The following DRC11L variants were observed in gnomAD, a reference collection of about 807,000 sequenced individuals.
The protein encoded by DRC11L is dynein regulatory complex subunit 11 like, also known as dynein regulatory complex subunit like-11.
the DRC11L span, among the ~76,000 whole-genome samples, chr7:151,201,938 T>C: frequency 6.6e-6 from 1 of 152,150 alleles, no homozygotes. This position sits in a 1 kb window ranked among gnomAD's most constrained non-coding sequence, Gnocchi z 4.1. Flanking sequence ...GTTAGCAGCA[T>C]TTTAAGGAAT....
the DRC11L span, chr7:151,195,584 C>T: frequency 4.3e-5 from 16 of 372,350 alleles, no homozygotes; most frequent in Non-Finnish European, 6.2e-5. Flanking sequence ...CCTTTGGAGC[C>T]CTCAGGGGTC....
At chr7:151,197,705 C>A in the DRC11L span, 1 of 393,448 alleles carries the variant, frequency 2.5e-6, no homozygotes. Context: ...CTGCATTTCC[C>A]CCAGCCACCT....
At chr7:151,192,031 G>A in the DRC11L span, among the ~76,000 whole-genome samples, 1 of 152,312 alleles carries the variant, frequency 6.6e-6, no homozygotes, top group Non-Finnish European at 1.5e-5. Context: ...GGAAGGTACT[G>A]GATCTCAAGC....
the DRC11L span, chr7:151,194,260 C>A: frequency 5.0e-6 from 2 of 399,204 alleles, no homozygotes; most frequent in Non-Finnish European, 8.8e-6. Flanking sequence ...TCTCACCAAG[C>A]CGAAGGACCG....
At chr7:151,191,461 G>A in the DRC11L span, among the ~76,000 whole-genome samples, 13 of 152,190 alleles carry the variant, frequency 8.5e-5, no homozygotes, top group African/African-American at 2.4e-4. Context: ...GGACGGCCCC[G>A]AAGCCTTGGC....
At chr7:151,199,092 G>A in the DRC11L span, 19 of 398,204 alleles carry the variant, frequency 4.8e-5, no homozygotes, top group Admixed American at 2.6e-4. This position sits in a 1 kb window ranked among gnomAD's most constrained non-coding sequence, Gnocchi z 5.2. Context: ...GGGCACACAC[G>A]CCTGTACCCA....
At chr7:151,191,875 C>A in the DRC11L span, 1 of 399,192 alleles carries the variant, frequency 2.5e-6, no homozygotes, top group Non-Finnish European at 4.4e-6. Flanking sequence ...GCTTCCAGAG[C>A]ACTGCAGGCA....
At chr7:151,192,744 T>A in the DRC11L span, 2 of 399,152 alleles carry the variant, frequency 5.0e-6, no homozygotes, top group East Asian at 7.1e-5. Flanking sequence ...CTCCCTCACC[T>A]CCTTGTCTTC....
At chr7:151,203,167 G>C in the DRC11L span, 2 of 398,670 alleles carry the variant, frequency 5.0e-6, no homozygotes, top group Non-Finnish European at 8.8e-6. Context: ...GCCGCTGGGA[G>C]ACCAGCCATC....
chr7:151,193,936 T>C, the DRC11L span, among the ~76,000 whole-genome samples: 1 of 148,538 alleles, frequency 6.7e-6, no homozygotes, highest in Non-Finnish European at 1.5e-5. Flanking sequence ...AGGCATGGGA[T>C]AAATCACTTC....
At chr7:151,194,099 G>C in the DRC11L span, among the ~76,000 whole-genome samples, 18 of 152,012 alleles carry the variant, frequency 1.2e-4, no homozygotes, top group Admixed American at 6.6e-5. Context: ...GCCCAATCTG[G>C]GTGTGACCTC....
chr7:151,194,100 G>A, the DRC11L span, among the ~76,000 whole-genome samples: 2 of 151,952 alleles, frequency 1.3e-5, no homozygotes, highest in Admixed American at 6.6e-5. Flanking sequence ...CCCAATCTGG[G>A]TGTGACCTCC....
the DRC11L span, among the ~76,000 whole-genome samples, chr7:151,198,300 A>T: frequency 6.6e-6 from 1 of 150,934 alleles, no homozygotes; most frequent in Admixed American, 6.6e-5. Flanking sequence ...ATAGATGGAG[A>T]GGTAGGTAGA....
At chr7:151,196,864 C>G in the DRC11L span, 1 of 398,804 alleles carries the variant, frequency 2.5e-6, no homozygotes, top group Non-Finnish European at 4.4e-6. Context: ...CCTTTGCCTA[C>G]ACACCCACAC....
At chr7:151,193,901 T>C in the DRC11L span, among the ~76,000 whole-genome samples, 1 of 143,464 alleles carries the variant, frequency 7.0e-6, no homozygotes. Context: ...ACTGAGACTC[T>C]ATCTCAAAAA....
the DRC11L span, chr7:151,190,888 T>A: frequency 2.5e-6 from 1 of 398,420 alleles, no homozygotes; most frequent in Non-Finnish European, 4.4e-6. Flanking sequence ...TCCCAAGTCA[T>A]CTGGGCATTT....
the DRC11L span, chr7:151,202,834 G>A: frequency 6.0e-5 from 24 of 398,888 alleles, no homozygotes; most frequent in Non-Finnish European, 1.0e-4. Flanking sequence ...GCACTCCTGT[G>A]ATCAATTACT....
chr7:151,201,426 ATCC>A, the DRC11L span, among the ~76,000 whole-genome samples: 2 of 152,214 alleles, frequency 1.3e-5, no homozygotes, highest in South Asian at 4.1e-4. The surrounding 1 kb of genome is among the most constrained non-coding windows in gnomAD (Gnocchi z 4.1). Flanking sequence ...TTTGGGGTCC[ATCC>A]TCCTTCTTGA....
chr7:151,194,624 C>G, the DRC11L span: 1 of 399,158 alleles, frequency 2.5e-6, no homozygotes, highest in African/African-American at 2.1e-5. Flanking sequence ...ACAGGAAGAC[C>G]CCCACCACCA....
Sources: allele counts gnomAD v4.1 joint callset (sites outside exome capture counted in the v4.1 genomes callset), GRCh38; gene constraint gnomAD v4.1.1; non-coding constraint Gnocchi (gnomAD v3.1); transcripts MANE v1.5; gene names NCBI Gene and HGNC (gene_info 2026-07-23, HGNC 2026-07-21).